The following ADAM23 variants were observed in gnomAD, a reference collection of about 807,000 sequenced individuals.
The protein encoded by ADAM23 is disintegrin and metalloproteinase domain-containing protein 23.
ADAM23 carries 33 observed loss-of-function variants against 120.1 expected under a neutral mutation model. That is an observed-to-expected ratio of 0.27 (90% confidence interval 0.21 to 0.37). The LOEUF is 0.37. Among genes scored for constraint, ADAM23 ranks in the 10% least tolerant of loss-of-function variants. The pLI is 1.00. For missense variants in ADAM23, 862 were observed against 1,058.2 expected (o/e 0.81, Z 2.57); for synonymous variants, 367 against 375.2 (o/e 0.98, Z 0.25).
At chr2:206,494,104 TC>T (rs991559493) in intron 3 of ADAM23, among the ~76,000 whole-genome samples, 34 of 152,272 alleles carry the variant, frequency 2.2e-4, no homozygotes, top group African/African-American at 8.0e-4. Flanking sequence ...CAGATGGTTA[TC>T]TTTTTTCTGT....
chr2:206,602,580 T>G (rs1698658981), intron 24 of ADAM23, among the ~76,000 whole-genome samples: 1 of 152,150 alleles, frequency 6.6e-6, no homozygotes, highest in Non-Finnish European at 1.5e-5. Flanking sequence ...CTGTGAAGTA[T>G]CAAAAGATAC....
At chr2:206,475,283 A>G (rs1288881183) in intron 2 of ADAM23, among the ~76,000 whole-genome samples, 1 of 152,218 alleles carries the variant, frequency 6.6e-6, no homozygotes, top group Non-Finnish European at 1.5e-5. Context: ...ATGAGGGATT[A>G]GAACAAAATT....
At chr2:206,536,733 TCTCA>T (rs906580007) in intron 4 of ADAM23, among the ~76,000 whole-genome samples, 114 of 152,266 alleles carry the variant, frequency 7.5e-4, no homozygotes, top group African/African-American at 2.7e-3. Context: ...TGAGACAGTG[TCTCA>T]CTCTGTTGTT....
At chr2:206,612,414 A>G (rs1340403304) in intron 25 of ADAM23, among the ~76,000 whole-genome samples, 1 of 152,230 alleles carries the variant, frequency 6.6e-6, no homozygotes, top group Non-Finnish European at 1.5e-5. Flanking sequence ...ATTCCTTTAG[A>G]ATCAGAAGTT....
intron 2 of ADAM23, among the ~76,000 whole-genome samples, chr2:206,471,740 A>G (rs1417080157): frequency 6.6e-6 from 1 of 152,152 alleles, no homozygotes; most frequent in East Asian, 1.9e-4. Context: ...TGATGTAGGA[A>G]TTGACGAGGA....
At chr2:206,466,623 A>G (rs754661076) in intron 2 of ADAM23, among the ~76,000 whole-genome samples, 3 of 152,154 alleles carry the variant, frequency 2.0e-5, no homozygotes, top group African/African-American at 7.2e-5. Context: ...GTCCATTACT[A>G]CGAAATTTAT....
chr2:206,548,668 G>C (rs1051399234), intron 8 of ADAM23, among the ~76,000 whole-genome samples: 3 of 152,078 alleles, frequency 2.0e-5, no homozygotes, highest in Non-Finnish European at 4.4e-5. Flanking sequence ...TCTATTTAAA[G>C]TACAGCAGAC....
At chr2:206,605,527 CAAATT>C (rs56262400) in intron 24 of ADAM23, among the ~76,000 whole-genome samples, 13,638 of 152,130 alleles carry the variant, frequency 0.09, 665 homozygotes, top group Non-Finnish European at 0.12. Flanking sequence ...GGAACTATAA[CAAATT>C]GAATTATTTA....
At chr2:206,554,952 G>A (rs1697612956) in intron 9 of ADAM23, among the ~76,000 whole-genome samples, 1 of 151,950 alleles carries the variant, frequency 6.6e-6, no homozygotes, top group African/African-American at 2.4e-5. Context: ...CTTCTATGAC[G>A]TGGTAGCTCT....
Position 206,601,061 on chromosome 2 carries a change from C to G in ADAM23, c.2359+4899C>G. On this transcript the variant is annotated intron_variant, in intron 24 of 25. Coordinates refer to ENST00000264377, the MANE Select transcript of ADAM23 (RefSeq NM_003812.4). ...TGTATTTTAACTCTGTTTAAAAGAC[C>G]TAGAATTCTCTCCTGTTACAGGGAG... is the stretch of plus-strand genomic sequence containing the variant. Among the ~76,000 whole-genome samples the G allele has an allele frequency of 1.3e-5, 2 of 152,058 alleles. 1 individual carries two copies. The highest frequency in any genetic ancestry group is 3.9e-4 in the East Asian group (2 of 5,180).
At chr2:206,508,859 T>C (rs561257658) in intron 3 of ADAM23, among the ~76,000 whole-genome samples, 13 of 152,154 alleles carry the variant, frequency 8.5e-5, no homozygotes, top group Non-Finnish European at 1.6e-4. Flanking sequence ...AACATAAGAC[T>C]TGTAACAAAC....
chr2:206,514,936 A>G (rs1442954588), intron 3 of ADAM23, among the ~76,000 whole-genome samples: 1 of 152,238 alleles, frequency 6.6e-6, no homozygotes, highest in African/African-American at 2.4e-5. Flanking sequence ...AATAGACTAG[A>G]GTACAGTATA....
intron 10 of ADAM23, among the ~76,000 whole-genome samples, chr2:206,558,578 G>C (rs1348761745): frequency 6.6e-6 from 1 of 152,132 alleles, no homozygotes; most frequent in African/African-American, 2.4e-5. Flanking sequence ...TTTACACCTG[G>C]TTTATTAATT....
chr2:206,496,555 A>T (rs1696253026), intron 3 of ADAM23, among the ~76,000 whole-genome samples: 2 of 152,202 alleles, frequency 1.3e-5, no homozygotes, highest in Non-Finnish European at 1.5e-5. Flanking sequence ...AGCAGGAAAG[A>T]TCTAAAATTG....
intron 4 of ADAM23, among the ~76,000 whole-genome samples, chr2:206,541,660 GAT>G (rs1317693338): frequency 6.6e-6 from 1 of 152,030 alleles, no homozygotes; most frequent in African/African-American, 2.4e-5. Context: ...AAACAAATAA[GAT>G]ATTGTATAAT....
chr2:206,609,809 A>T, intron 24 of ADAM23, 101 bp from the exon 25 acceptor site: 2 of 905,220 alleles, frequency 2.2e-6, no homozygotes, highest in Non-Finnish European at 3.3e-6. Context: ...GCCGTCTTTT[A>T]CACAGGATAT....
chr2:206,453,598 T>G (rs1261355235), intron 2 of ADAM23, among the ~76,000 whole-genome samples: 1 of 152,244 alleles, frequency 6.6e-6, no homozygotes, highest in Non-Finnish European at 1.5e-5. Context: ...TTGTATGAAT[T>G]CAGTATGATT....
rs914227066 is a variant in ADAM23, at chr2:206,620,566, A to G, written c.*2939A>G. 1.3e-5 allele frequency: 2 copies of G among 152,128 alleles called. No individual in the cohort carries two copies. The highest frequency in any genetic ancestry group is 2.9e-5 in the Non-Finnish European group (2 of 68,020). The allele number at this position is 152,128 out of a possible 1,614,324, so 9.4% of individuals were successfully genotyped here. ...TAATTTGAGCTCACAGCACAAGTGT[A>G]TCACTGTTTAATGTTACCCAACAAG... On this transcript the variant is annotated 3_prime_UTR_variant, in exon 26 of 26. Transcript: ENST00000264377.
intron 22 of ADAM23, 140 bp downstream of exon 22, chr2:206,592,876 T>G (rs1698451963): frequency 9.2e-7 from 1 of 1,082,224 alleles, no homozygotes. Flanking sequence ...TTATCACCTT[T>G]CATATTGACA....
Sources: gnomAD v4.1 joint callset for allele counts (sites outside exome capture counted in the v4.1 genomes callset) on GRCh38, gnomAD v4.1.1 for gene constraint, MANE v1.5 for transcripts, NCBI Gene and HGNC (gene_info 2026-07-23, HGNC 2026-07-21) for gene names.